CCDC178: variants seen among roughly 807,000 people sequenced by gnomAD.
CCDC178 encodes the protein coiled-coil domain containing 178, also known as coiled-coil domain-containing protein 178.
CCDC178 carries 126 observed loss-of-function variants against 117.4 expected under a neutral mutation model. That is an observed-to-expected ratio of 1.07 (90% CI 0.93 to 1.24). CCDC178 has a LOEUF of 1.24. Ranked by LOEUF, CCDC178 falls within the 50% of genes most tolerant of loss-of-function variation. The probability of loss-of-function intolerance (pLI) is 0.00; values close to 1 mark genes in which losing one functional copy is unlikely to be tolerated. For synonymous variants in CCDC178, 283 were observed against 313.4 expected, an observed-to-expected ratio of 0.90 and a Z score of 1.02; for missense variants, 1,030 against 986.9, an observed-to-expected ratio of 1.04 and a Z score of -0.59.
At chr18:33,010,581 T>C (rs554046195) in intron 21 of CCDC178, among the ~76,000 whole-genome samples, 3 of 152,324 alleles carry the variant, frequency 2.0e-5, no homozygotes, top group African/African-American at 7.2e-5. Context: ...TTTGGCATGC[T>C]TGTAAACAGT....
At chr18:33,155,579 GA>G (rs1232373212) in intron 20 of CCDC178, among the ~76,000 whole-genome samples, 9 of 151,666 alleles carry the variant, frequency 5.9e-5, no homozygotes, top group African/African-American at 7.3e-5. Flanking sequence ...TTTAAAATGA[GA>G]AAAAAAGAAA....
rs571068733 is a variant in CCDC178, at chr18:32,979,309, C to A, written c.2389-4628G>T. Among the ~76,000 whole-genome samples the A allele has an allele frequency of 6.6e-4, 101 of 152,088 alleles. 1 individual carries two copies. The highest frequency in any genetic ancestry group is 2.3e-3 in the African/African-American group (94 of 41,508). ...TAGCTGGGATTACAGGCGACCCCTG[C>A]CCCCACGCTGGGCTAATTTTTGTAT... On this transcript the variant is annotated intron_variant, in intron 21 of 22. Transcript: ENST00000383096.
At chr18:33,360,065 T>A (rs1209359404) in intron 6 of CCDC178, among the ~76,000 whole-genome samples, 4 of 151,262 alleles carry the variant, frequency 2.6e-5, no homozygotes, top group Non-Finnish European at 4.4e-5. Flanking sequence ...AATTTTTTTT[T>A]AATGGACGAT....
At chr18:33,361,134 A>T (rs989227775) in intron 6 of CCDC178, among the ~76,000 whole-genome samples, 11 of 151,736 alleles carry the variant, frequency 7.2e-5, no homozygotes, top group Admixed American at 5.3e-4. Flanking sequence ...TCCTGGCATA[A>T]AAACAAAAAC....
intron 20 of CCDC178, among the ~76,000 whole-genome samples, chr18:33,144,040 T>C (rs996832924): frequency 6.6e-6 from 1 of 152,108 alleles, no homozygotes; most frequent in African/African-American, 2.4e-5. Context: ...TTCTAATGTG[T>C]GACAAATCCC....
chr18:33,016,666 T>C (rs2055998724), intron 21 of CCDC178, among the ~76,000 whole-genome samples: 1 of 152,020 alleles, frequency 6.6e-6, no homozygotes, highest in Non-Finnish European at 1.5e-5. Flanking sequence ...AGTTTTTGAA[T>C]ACTATTAAAG....
chr18:33,277,244 T>C (rs1260936902), intron 12 of CCDC178, among the ~76,000 whole-genome samples: 1 of 152,120 alleles, frequency 6.6e-6, no homozygotes, highest in African/African-American at 2.4e-5. Context: ...TTTTAAAAAT[T>C]AGTAAATTAG....
At chr18:32,975,251 C>T (rs995662231) in intron 21 of CCDC178, among the ~76,000 whole-genome samples, 1 of 152,132 alleles carries the variant, frequency 6.6e-6, no homozygotes, top group African/African-American at 2.4e-5. Context: ...GAAGAAATTT[C>T]CAGCTAGAAC....
intron 21 of CCDC178, among the ~76,000 whole-genome samples, chr18:33,039,562 GC>G (rs1454316754): frequency 1.3e-5 from 2 of 151,942 alleles, no homozygotes; most frequent in Non-Finnish European, 2.9e-5. Flanking sequence ...ACAAGAGCAT[GC>G]CCTCAGAGGA....
chr18:33,248,886 G>GCT (rs1204498407), intron 14 of CCDC178, among the ~76,000 whole-genome samples: 13 of 152,180 alleles, frequency 8.5e-5, no homozygotes, highest in Admixed American at 7.9e-4. Context: ...CCCACCAACA[G>GCT]TGTAAAAGTG....
intron 21 of CCDC178, among the ~76,000 whole-genome samples, chr18:33,051,111 C>A (rs1256562625): frequency 2.0e-5 from 3 of 152,068 alleles, no homozygotes; most frequent in African/African-American, 7.3e-5. Flanking sequence ...CGGGGCTTTG[C>A]CATGTTGGTC....
intron 2 of CCDC178, among the ~76,000 whole-genome samples, chr18:33,430,556 C>A (rs1328818559): frequency 6.6e-6 from 1 of 152,092 alleles, no homozygotes; most frequent in African/African-American, 2.4e-5. Flanking sequence ...TTCCATGGAA[C>A]CTTAGAAGCC....
chr18:33,327,423 CTTTTT>C (rs1057119330), intron 10 of CCDC178, among the ~76,000 whole-genome samples: 5 of 151,844 alleles, frequency 3.3e-5, no homozygotes, highest in African/African-American at 7.3e-5. Context: ...TTTTGCTTTT[CTTTTT>C]GTTTTTTTAG....
chr18:33,147,685 G>A (rs2058287793), intron 20 of CCDC178, among the ~76,000 whole-genome samples: 1 of 151,926 alleles, frequency 6.6e-6, no homozygotes, highest in Non-Finnish European at 1.5e-5. Context: ...CGGGGTTTGG[G>A]GCAAGGTTAT....
At chr18:33,190,053 G>A (rs2058839774) in intron 20 of CCDC178, among the ~76,000 whole-genome samples, 1 of 152,076 alleles carries the variant, frequency 6.6e-6, no homozygotes, top group Non-Finnish European at 1.5e-5. Flanking sequence ...ACCAGTGCTT[G>A]GCTGTGGACA....
intron 21 of CCDC178, among the ~76,000 whole-genome samples, chr18:32,981,119 G>A (rs1361564450): frequency 6.6e-6 from 1 of 152,078 alleles, no homozygotes; most frequent in Non-Finnish European, 1.5e-5. Context: ...AAGCCAAAGA[G>A]GATTGCTCGA....
intron 2 of CCDC178, among the ~76,000 whole-genome samples, chr18:33,432,385 G>A (rs2064231773): frequency 6.6e-6 from 1 of 151,958 alleles, no homozygotes; most frequent in Non-Finnish European, 1.5e-5. Context: ...TTTTAGCAGA[G>A]TTTTTCTAAG....
At chr18:33,432,211 T>G (rs938331187) in intron 2 of CCDC178, among the ~76,000 whole-genome samples, 1 of 152,060 alleles carries the variant, frequency 6.6e-6, no homozygotes, top group Non-Finnish European at 1.5e-5. Flanking sequence ...GTAGTAAGAT[T>G]GTCTGAGGGT....
At chr18:33,346,465 T>A in intron 8 of CCDC178, 54 bp from the exon 9 acceptor site, 1 of 1,161,176 alleles carries the variant, frequency 8.6e-7, no homozygotes, top group South Asian at 1.3e-5. Context: ...ATAAGCTGGA[T>A]GATGGGAACA....
Sources: allele counts gnomAD v4.1 joint callset (sites outside exome capture counted in the v4.1 genomes callset), GRCh38; gene constraint gnomAD v4.1.1; transcripts MANE v1.5; gene names NCBI Gene and HGNC (gene_info 2026-07-23, HGNC 2026-07-21).